The following SLC39A11 variants were observed in gnomAD, a reference collection of about 807,000 sequenced individuals.
SLC39A11 encodes zinc transporter ZIP11.
Under a neutral mutation model 36.1 loss-of-function variants are expected in SLC39A11, and 33 were observed. The observed-to-expected ratio is 0.91, with a 90% CI of 0.69 to 1.22. The LOEUF (loss-of-function observed/expected upper bound fraction) is 1.22. Ranked by LOEUF, SLC39A11 falls within the 50% of genes most tolerant of loss-of-function variation. SLC39A11 has a pLI of 0.00. For missense variants in SLC39A11, 432 were observed against 430.3 expected, an observed-to-expected ratio of 1.00 and a Z score of -0.03; for synonymous variants, 166 against 170.3, an observed-to-expected ratio of 0.97 and a Z score of 0.20.
At chr17:73,081,632 T>TAC (rs57284292) in intron 3 of SLC39A11, among the ~76,000 whole-genome samples, 10,694 of 110,450 alleles carry the variant, frequency 0.097, 665 homozygotes, top group Non-Finnish European at 0.14. Context: ...TATATATACA[T>TAC]ACACACACAC....
chr17:72,778,091 GA>G (rs2076197286), intron 6 of SLC39A11, among the ~76,000 whole-genome samples: 1 of 152,160 alleles, frequency 6.6e-6, no homozygotes, highest in African/African-American at 2.4e-5. Flanking sequence ...TTTTAGTGGA[GA>G]TGGGGTTTCA....
In SLC39A11 at chr17:72,898,299, G is replaced by A. The variant is rs146482776; in HGVS notation, c.431-48495C>T. On this transcript the variant is annotated intron_variant, in intron 5 of 9. Coordinates refer to ENST00000255559, the MANE Select transcript of SLC39A11 (RefSeq NM_139177.4). ...AGCTCCTCAAGGGGCTGGAGCATCC[G>A]AGTTCATGAGCAACACAGAGAATTG... Among the ~76,000 whole-genome samples the A allele has an allele frequency of 7.6e-3, 1,154 of 152,278 alleles. 12 individuals are homozygous for A. The highest frequency in any genetic ancestry group is 0.027 in the African/African-American group (1,104 of 41,550).
chr17:72,836,521 TG>T (rs1312477690), intron 6 of SLC39A11, among the ~76,000 whole-genome samples: 3 of 152,022 alleles, frequency 2.0e-5, no homozygotes, highest in African/African-American at 4.8e-5. Flanking sequence ...TTGTATTTTT[TG>T]TAGAGATGGG....
intron 5 of SLC39A11, among the ~76,000 whole-genome samples, chr17:72,860,546 G>A (rs963751689): frequency 1.3e-5 from 2 of 152,158 alleles, no homozygotes; most frequent in African/African-American, 2.4e-5. Flanking sequence ...GGCACAGGTG[G>A]GGACAACCTA....
At chr17:72,900,518 G>C (rs938489073) in intron 5 of SLC39A11, among the ~76,000 whole-genome samples, 1 of 152,144 alleles carries the variant, frequency 6.6e-6, no homozygotes, top group Non-Finnish European at 1.5e-5. Context: ...GGGCAGCCAG[G>C]ACCCTGATCC....
intron 5 of SLC39A11, among the ~76,000 whole-genome samples, chr17:72,900,634 T>TG (rs534053568): frequency 1.7e-4 from 24 of 139,946 alleles, no homozygotes; most frequent in Non-Finnish European, 2.5e-4. Context: ...AGGGAAAGAG[T>TG]GGGGGCAAAG....
chr17:72,792,200 G>T (rs1159549808), intron 6 of SLC39A11, among the ~76,000 whole-genome samples: 1 of 152,188 alleles, frequency 6.6e-6, no homozygotes, highest in Non-Finnish European at 1.5e-5. Context: ...AACATCGCAG[G>T]CCATGTGGGG....
chr17:72,994,024 T>C (rs1023861813), intron 4 of SLC39A11, among the ~76,000 whole-genome samples: 5 of 152,176 alleles, frequency 3.3e-5, no homozygotes, highest in African/African-American at 1.2e-4. Context: ...TATTTTTCCA[T>C]ATGAACTACA....
intron 7 of SLC39A11, among the ~76,000 whole-genome samples, chr17:72,670,204 C>T (rs866564189): frequency 5.0e-5 from 4 of 79,578 alleles, no homozygotes; most frequent in African/African-American, 1.9e-4. Flanking sequence ...CACACACACA[C>T]ACACACACAT....
At chr17:73,065,652 C>T (rs2059976689) in intron 3 of SLC39A11, among the ~76,000 whole-genome samples, 1 of 152,154 alleles carries the variant, frequency 6.6e-6, no homozygotes, top group Non-Finnish European at 1.5e-5. Flanking sequence ...TCCAGAATAA[C>T]ACAGCCCTTG....
intron 4 of SLC39A11, among the ~76,000 whole-genome samples, chr17:72,967,132 A>G (rs531602542): frequency 1.3e-5 from 2 of 152,280 alleles, no homozygotes; most frequent in African/African-American, 4.8e-5. Flanking sequence ...ATGGTGAGTT[A>G]TATAATCATT....
At chr17:72,995,443 T>G (rs573324506) in intron 4 of SLC39A11, among the ~76,000 whole-genome samples, 7 of 152,348 alleles carry the variant, frequency 4.6e-5, no homozygotes, top group Non-Finnish European at 8.8e-5. Flanking sequence ...TTGACTGGAC[T>G]AAGGGATGCC....
intron 6 of SLC39A11, among the ~76,000 whole-genome samples, chr17:72,846,642 G>A (rs1403271231): frequency 3.3e-5 from 5 of 152,178 alleles, no homozygotes; most frequent in Non-Finnish European, 7.3e-5. Context: ...AAGTACAGTG[G>A]CAGGTGTGGT....
rs34412312 is a variant in SLC39A11 at position 72,810,691 on chromosome 17, C to CT, written c.601+38942dup. On this transcript the variant is annotated intron_variant, in intron 6 of 9. Transcript: ENST00000255559. ...TATGGGATATACATATGTAAAAATT[C>CT]TTTTTTTTTTTTAAGACAAAGTCTC... Among the ~76,000 whole-genome samples, 255 of 144,556 alleles carry CT rather than the reference C, an allele frequency of 1.8e-3. 1 individual carries two copies. In the South Asian group the frequency reaches 0.023, roughly 13 times the overall value. 94.8% of individuals were successfully genotyped at this position (144,556 alleles called of 152,430 possible). A position where few individuals can be genotyped will look rare whatever the true frequency, so the allele number is the denominator to read the frequency against.
chr17:72,711,748 G>A (rs1020863077), intron 7 of SLC39A11, among the ~76,000 whole-genome samples: 7 of 152,180 alleles, frequency 4.6e-5, no homozygotes, highest in Non-Finnish European at 7.3e-5. Flanking sequence ...GAGCAACACC[G>A]TGAGTGACAT....
chr17:72,726,311 A>C (rs1197802941), intron 7 of SLC39A11, among the ~76,000 whole-genome samples: 1 of 152,196 alleles, frequency 6.6e-6, no homozygotes, highest in African/African-American at 2.4e-5. Flanking sequence ...TCCCCGCCAC[A>C]ACAATGAAGT....
intron 5 of SLC39A11, among the ~76,000 whole-genome samples, chr17:72,929,507 C>A (rs1433912152): frequency 6.6e-6 from 1 of 151,390 alleles, no homozygotes; most frequent in Non-Finnish European, 1.5e-5. Context: ...AAGGAGTGAG[C>A]AGCCACTTCA....
chr17:72,951,261 C>CAAAA (rs61453793), intron 4 of SLC39A11, among the ~76,000 whole-genome samples: 26,482 of 85,874 alleles, frequency 0.31, 3,536 homozygotes, highest in East Asian at 0.43. Context: ...GACCCTGTTG[C>CAAAA]AAAAAAAAAA....
chr17:72,910,753 C>T (rs1452420794), intron 5 of SLC39A11, among the ~76,000 whole-genome samples: 1 of 146,814 alleles, frequency 6.8e-6, no homozygotes, highest in Non-Finnish European at 1.5e-5. Context: ...ATGGTGAAAC[C>T]TCATCTCTAC....
Sources: gnomAD v4.1 joint callset for allele counts (sites outside exome capture counted in the v4.1 genomes callset) on GRCh38, gnomAD v4.1.1 for gene constraint, MANE v1.5 for transcripts, NCBI Gene and HGNC (gene_info 2026-07-23, HGNC 2026-07-21) for gene names.